STRIP1: variants seen among roughly 807,000 people sequenced by gnomAD.
The protein encoded by STRIP1 is striatin-interacting protein 1.
In STRIP1, 63 loss-of-function variants were observed where a neutral mutation model predicts 106.2. The observed-to-expected ratio is 0.59, with a 90% CI of 0.48 to 0.73. The LOEUF is 0.73. Ranked by LOEUF, STRIP1 falls within the 30% of genes least tolerant of loss-of-function variation. STRIP1 has a pLI of 0.00. For synonymous variants in STRIP1, 390 were observed against 413.0 expected, an observed-to-expected ratio of 0.94 and a Z score of 0.67; for missense variants, 857 against 1,074.8, an observed-to-expected ratio of 0.80 and a Z score of 2.83.
At chr1:110,053,118 G>T (rs1373596113) in intron 20 of STRIP1, among the ~76,000 whole-genome samples, 1 of 152,184 alleles carries the variant, frequency 6.6e-6, no homozygotes, top group Non-Finnish European at 1.5e-5. Flanking sequence ...GAACATAGCC[G>T]TGTGGTTCCC....
intron 20 of STRIP1, 43 bp downstream of exon 20, chr1:110,051,930 G>A (rs1197132283): frequency 6.3e-7 from 1 of 1,597,138 alleles, no homozygotes; most frequent in Admixed American, 1.7e-5. Context: ...GAGTGTGTCG[G>A]GAAAAGTGAC....
chr1:110,034,591 T>C, upstream of STRIP1: 1 of 1,464,542 alleles, frequency 6.8e-7, no homozygotes, highest in Non-Finnish European at 9.0e-7. Flanking sequence ...GAGAGTTGCA[T>C]CACGGCGGCT....
chr1:110,040,319 T>G (rs1241847267), intron 5 of STRIP1, among the ~76,000 whole-genome samples: 1 of 152,178 alleles, frequency 6.6e-6, no homozygotes, highest in Non-Finnish European at 1.5e-5. Context: ...GTAGCTGGGT[T>G]TACAGGTGCC....
intron 17 of STRIP1, chr1:110,050,032 A>G: frequency 2.5e-6 from 1 of 407,600 alleles, no homozygotes; most frequent in South Asian, 2.6e-5. Context: ...AAGGTTTGGC[A>G]TAAATTAGTT....
chr1:110,035,798 C>G (rs1179162383), intron 1 of STRIP1, among the ~76,000 whole-genome samples: 1 of 152,162 alleles, frequency 6.6e-6, no homozygotes, highest in Non-Finnish European at 1.5e-5. Context: ...ATGATACTAC[C>G]TTTAGACCTG....
chr1:110,044,309 T>G (rs1475898744), intron 10 of STRIP1, among the ~76,000 whole-genome samples: 1 of 152,216 alleles, frequency 6.6e-6, no homozygotes, highest in Non-Finnish European at 1.5e-5. Context: ...AAATGGTGTC[T>G]GTTTGATAGG....
Position 110,045,569 on chromosome 1 carries a change from C to T in STRIP1, c.1416+491C>T, listed in dbSNP as rs554465850. 49 of 154,070 alleles carry T rather than the reference C, an allele frequency of 3.2e-4. No homozygotes were observed. The South Asian group carries it at 6.6e-3, about 21-fold the overall frequency. The allele number at this position is 154,070 out of a possible 1,614,324, so 9.5% of individuals were successfully genotyped here. A position where few individuals can be genotyped will look rare whatever the true frequency, so the allele number is the denominator to read the frequency against. ...AATAAATAGCCCTCCTTTTCCTTGCCCACGTTCTCAGGCGGTTGAAATAGA... is the reference window on the plus strand; with the variant it reads ...AATAAATAGCCCTCCTTTTCCTTGCTCACGTTCTCAGGCGGTTGAAATAGA... On this transcript the variant is annotated intron_variant, in intron 12 of 20. Coordinates refer to ENST00000369795, the MANE Select transcript of STRIP1 (RefSeq NM_033088.4).
At chr1:110,042,811 T>A (rs1408762320) in intron 8 of STRIP1, 2 of 333,008 alleles carry the variant, frequency 6.0e-6, no homozygotes, top group African/African-American at 2.1e-5. Flanking sequence ...TGCTTCTTTT[T>A]AAATTGAAGA....
At chr1:110,043,402 G>C (rs1652869679) in intron 9 of STRIP1, 132 bp downstream of exon 9, 1 of 1,036,750 alleles carries the variant, frequency 9.6e-7, no homozygotes, top group African/African-American at 1.6e-5. Context: ...CCTCCACAGC[G>C]AGGATACTTT....
chr1:110,042,566 T>C (rs1652814067), intron 8 of STRIP1, among the ~76,000 whole-genome samples: 1 of 152,232 alleles, frequency 6.6e-6, no homozygotes, highest in Non-Finnish European at 1.5e-5. Flanking sequence ...TCATAAAGCC[T>C]TGCTAAGGCT....
intron 20 of STRIP1, 65 bp downstream of exon 20, chr1:110,051,952 C>T (rs951597221): frequency 6.5e-7 from 1 of 1,533,864 alleles, no homozygotes; most frequent in Non-Finnish European, 8.9e-7. Flanking sequence ...TCTTTCACTC[C>T]CTGCCCGTGG....
chr1:110,034,527 C>G (rs1652335102), upstream of STRIP1: 2 of 1,333,124 alleles, frequency 1.5e-6, no homozygotes, highest in Non-Finnish European at 2.0e-6. Flanking sequence ...GCTTCTAACA[C>G]TGGCCGCCAC....
rs780814042 is a variant in STRIP1 at position 110,050,963 on chromosome 1, G to A, written c.1964G>A (p.Gly655Asp). ...PELTAESLEA[G>D]DSNQFCWRNL... ...CCTGGGTTTACCCTGCAGGAAGCAG[G>A]TGACAGTAACCAATTTTGCTGGAGG... Residue 655 changes from glycine to aspartate, a missense_variant, in exon 19 of 21, where the codon GGT becomes GAT. By Grantham distance (94) the Gly-to-Asp change is moderately conservative. Coordinates refer to ENST00000369795, the MANE Select transcript of STRIP1 (RefSeq NM_033088.4). 6.2e-7 allele frequency: 1 copy of A among 1,603,972 alleles called. No homozygotes were observed. Among genetic ancestry groups the A allele is most frequent in the Admixed American group, 1.7e-5 (1 of 60,006 alleles).
At position 110,048,490 on chromosome 1, in the gene STRIP1, G is replaced by A. The variant is rs566474333; in HGVS notation, c.1661+621G>A. ...CCAGCTCCTGGGTGGCTGTGGCCCCGGAGTATGGCAGTGATGGCCGGCTGA... is the reference window on the plus strand; with the variant it reads ...CCAGCTCCTGGGTGGCTGTGGCCCCAGAGTATGGCAGTGATGGCCGGCTGA... On this transcript the variant is annotated intron_variant, in intron 15 of 20. Transcript: ENST00000369795. Among the ~76,000 whole-genome samples, 375 of 152,352 alleles carry A rather than the reference G, an allele frequency of 2.5e-3. 8 individuals carry two copies. The highest frequency in any genetic ancestry group is 9.0e-4 in the Non-Finnish European group (61 of 68,022).
At chr1:110,038,495 T>C (rs1652604039) in intron 2 of STRIP1, among the ~76,000 whole-genome samples, 188 bp from the exon 3 acceptor site, 2 of 152,222 alleles carry the variant, frequency 1.3e-5, no homozygotes, top group South Asian at 4.1e-4. Flanking sequence ...TCTGGCACTC[T>C]GGTTGTCTCT....
Position 110,053,971 on chromosome 1 carries a change from C to G in STRIP1, c.*59C>G. 6.3e-7 allele frequency: 1 copy of G among 1,594,160 alleles called. No homozygotes were observed. On this transcript the variant is annotated 3_prime_UTR_variant, in exon 21 of 21. Coordinates refer to ENST00000369795, the MANE Select transcript of STRIP1 (RefSeq NM_033088.4). Reference sequence around the variant, plus strand: ...AGATGATCTGAAGGTACCTGTGGGACTGTCCTAGTTCATTGCTGCAGTGCT... The same window carrying G: ...AGATGATCTGAAGGTACCTGTGGGAGTGTCCTAGTTCATTGCTGCAGTGCT...
At chr1:110,043,529 A>G (rs1451872070) in intron 9 of STRIP1, 110 bp from the exon 10 acceptor site, 12 of 1,043,098 alleles carry the variant, frequency 1.2e-5, no homozygotes, top group Non-Finnish European at 1.7e-5. Flanking sequence ...TGGTTTTTCC[A>G]CTGTTCTTGC....
At chr1:110,042,038 C>T (rs1652790266) in intron 8 of STRIP1, among the ~76,000 whole-genome samples, 177 bp downstream of exon 8, 1 of 152,176 alleles carries the variant, frequency 6.6e-6, no homozygotes, top group African/African-American at 2.4e-5. Flanking sequence ...TGTCCCATTG[C>T]AGCCAACGAG....
At position 110,053,764 on chromosome 1, in the gene STRIP1, A is replaced by G; in HGVS notation, c.2366A>G (p.Asn789Ser). 1 of 1,614,044 alleles carries G rather than the reference A, an allele frequency of 6.2e-7. No homozygotes were observed. The part of the protein sequence containing the change: ...NARRYDRAHS[N>S]PDFLPVDNCL... ...CGGCGCTATGACCGGGCCCACAGCA[A>G]CCCTGACTTCCTGCCAGTGGACAAC... Residue 789 changes from asparagine to serine, a missense_variant, in exon 21 of 21, where the codon AAC becomes AGC. Transcript: ENST00000369795.
Sources: allele counts gnomAD v4.1 joint callset (sites outside exome capture counted in the v4.1 genomes callset), GRCh38; gene constraint gnomAD v4.1.1; transcripts MANE v1.5; gene names NCBI Gene and HGNC (gene_info 2026-07-23, HGNC 2026-07-21).